The following NUDT3 variants were observed in gnomAD, a reference collection of about 807,000 sequenced individuals.
NUDT3 encodes the protein diphosphoinositol polyphosphate phosphohydrolase 1.
NUDT3 carries 9 observed loss-of-function variants against 23.6 expected under a neutral mutation model. The observed-to-expected ratio is 0.38, with a 90% CI of 0.23 to 0.66. The LOEUF is 0.66. Among genes scored for constraint, NUDT3 ranks in the 30% least tolerant of loss-of-function variants. NUDT3 has a pLI of 0.52. For synonymous variants in NUDT3, 86 were observed against 82.6 expected (o/e 1.04, Z -0.22); for missense variants, 172 against 218.5 (o/e 0.79, Z 1.34).
chr6:34,351,472 T>C lies in NUDT3; in HGVS notation c.100-9500A>G, dbSNP rs559072633. On this transcript the variant is annotated intron_variant, in intron 1 of 4. Transcript: ENST00000607016. ...AAAAAAATTAGAGGGCCAGGCGCGG[T>C]GGCTCATGCCTGTAATCCTAGCACT... Among the ~76,000 whole-genome samples, 48 of 146,662 alleles carry C rather than the reference T, an allele frequency of 3.3e-4. 1 individual carries two copies. Among genetic ancestry groups the C allele is most frequent in the East Asian group, 2.5e-3 (13 of 5,118 alleles).
At position 34,366,422 on chromosome 6, in the gene NUDT3, AAGAGAGAGAAAG is replaced by A. The variant is rs1391619967; in HGVS notation, c.100-24462_100-24451del. On this transcript the variant is annotated intron_variant, in intron 1 of 4. Transcript: ENST00000607016. ...AAGAAAGGAAAAGGAGAGAAACAGC[AAGAGAGAGAAAG>A]AGAGAGAGAAGGAGAGAGAGAGAGA... 1.5e-3 allele frequency among the ~76,000 whole-genome samples: 210 copies of A among 141,110 alleles called. 1 individual carries two copies. The highest frequency in any genetic ancestry group is 0.013 in the East Asian group (56 of 4,360). 92.6% of individuals were successfully genotyped at this position (141,110 alleles called of 152,430 possible). A position where few individuals can be genotyped will look rare whatever the true frequency, so the allele number is the denominator to read the frequency against.
chr6:34,349,564 G>A (rs1019405383), intron 1 of NUDT3, among the ~76,000 whole-genome samples: 2 of 150,478 alleles, frequency 1.3e-5, no homozygotes, highest in African/African-American at 2.5e-5. Context: ...GGAAACCGAC[G>A]GTGATTTTGG....
intron 1 of NUDT3, among the ~76,000 whole-genome samples, chr6:34,361,083 C>T (rs1309419797): frequency 1.3e-5 from 2 of 151,998 alleles, no homozygotes; most frequent in Non-Finnish European, 1.5e-5. Flanking sequence ...AATTAGCCAG[C>T]ATGGTGGTGT....
chr6:34,310,248 A>C (rs1402379868), intron 2 of NUDT3, among the ~76,000 whole-genome samples: 6 of 151,566 alleles, frequency 4.0e-5, no homozygotes, highest in Admixed American at 1.3e-4. Flanking sequence ...TAATAACAAA[A>C]GCAGGGTATG....
Position 34,392,303 on chromosome 6 carries a change from C to T in NUDT3, c.60G>A (p.Arg20=), listed in dbSNP as rs753982805. Residue 20 remains arginine (R), a synonymous_variant, in exon 1 of 5, where the codon CGG becomes CGA. Transcript: ENST00000607016. ...RTYDGDGYKK[R]AACLCFRSES... is the part of the protein sequence containing the mutation. ...CGCTGCGGAAACACAGGCATGCGGC[C>T]CGCTTCTTGTAGCCGTCGCCGTCGT... The T allele has an allele frequency of 6.8e-6, 11 of 1,606,302 alleles. No individual in the cohort carries two copies. The highest frequency in any genetic ancestry group is 8.5e-6 in the Non-Finnish European group (10 of 1,177,670).
At chr6:34,326,002 A>G (rs1207209494) in intron 2 of NUDT3, among the ~76,000 whole-genome samples, 2 of 151,620 alleles carry the variant, frequency 1.3e-5, no homozygotes, top group African/African-American at 4.9e-5. Context: ...AACATACAGA[A>G]AAATTATTTG....
chr6:34,316,052 A>C (rs1763852923), intron 2 of NUDT3, among the ~76,000 whole-genome samples: 1 of 152,166 alleles, frequency 6.6e-6, no homozygotes, highest in Non-Finnish European at 1.5e-5. Flanking sequence ...TGTTTCGTAG[A>C]GACAGGTCTC....
rs969613986 is a variant in NUDT3, at chr6:34,285,996, A to G, written c.*2757T>C. The G allele has an allele frequency of 6.6e-6, 1 of 152,248 alleles. No individual in the cohort carries two copies. The highest frequency in any genetic ancestry group is 1.9e-4 in the East Asian group (1 of 5,206). 9.4% of individuals were successfully genotyped at this position (152,248 alleles called of 1,614,324 possible). On this transcript the variant is annotated 3_prime_UTR_variant, in exon 5 of 5. Transcript: ENST00000607016. ...ACAATCAAAACTGCACTTTCAGGGT[A>G]GTATATTGTTACACTAGCCCAGTCA...
At chr6:34,325,277 T>C (rs1428258254) in intron 2 of NUDT3, among the ~76,000 whole-genome samples, 2 of 152,192 alleles carry the variant, frequency 1.3e-5, no homozygotes, top group Non-Finnish European at 2.9e-5. Context: ...CTGTTGCCCA[T>C]AGCTTGCTGC....
intron 2 of NUDT3, among the ~76,000 whole-genome samples, chr6:34,298,057 TA>T (rs1426634891): frequency 1.3e-5 from 2 of 151,878 alleles, no homozygotes; most frequent in African/African-American, 4.8e-5. Flanking sequence ...GACAACTCAA[TA>T]TAATTAATTT....
chr6:34,392,454 C>G lies in NUDT3; in HGVS notation c.-92G>C, dbSNP rs111776530. 27 of 910,024 alleles carry G rather than the reference C, an allele frequency of 3.0e-5. No homozygotes were observed. Among genetic ancestry groups the G allele is most frequent in the Middle Eastern group, 2.5e-4 (1 of 3,996 alleles). 56.4% of individuals were successfully genotyped at this position (910,024 alleles called of 1,614,324 possible). On this transcript the variant is annotated 5_prime_UTR_variant, in exon 1 of 5. Coordinates refer to ENST00000607016, the MANE Select transcript of NUDT3 (RefSeq NM_006703.4). ...CGGCCGCGTGCGCGCGCGCCCCCGGCTCGGCCAAGGGAAGCAGGGAGGGGG... is the reference window on the plus strand; with the variant it reads ...CGGCCGCGTGCGCGCGCGCCCCCGGGTCGGCCAAGGGAAGCAGGGAGGGGG...
rs1763327413 is a variant in NUDT3, at chr6:34,285,835, T to C, written c.*2918A>G. On this transcript the variant is annotated 3_prime_UTR_variant, in exon 5 of 5. Transcript: ENST00000607016. Reference sequence around the variant, plus strand: ...AGCACCAGTTTCAACAATTCTGATGTTGGACAAAGCCTCTTTTTGTCAGTT... The same window carrying C: ...AGCACCAGTTTCAACAATTCTGATGCTGGACAAAGCCTCTTTTTGTCAGTT... 6.6e-6 allele frequency: 1 copy of C among 152,194 alleles called. No individual in the cohort carries two copies. The highest frequency in any genetic ancestry group is 2.4e-5 in the African/African-American group (1 of 41,452). The allele number at this position is 152,194 out of a possible 1,614,324, so 9.4% of individuals were successfully genotyped here. A position where few individuals can be genotyped will look rare whatever the true frequency, so the allele number is the denominator to read the frequency against.
chr6:34,343,531 ACCC>A (rs896828954), intron 1 of NUDT3, among the ~76,000 whole-genome samples: 21 of 146,540 alleles, frequency 1.4e-4, no homozygotes, highest in African/African-American at 5.3e-4. Context: ...ACAGAGTGAG[ACCC>A]CCATCTCAAA....
intron 2 of NUDT3, among the ~76,000 whole-genome samples, chr6:34,334,195 AG>A (rs1161046952): frequency 6.6e-6 from 1 of 152,170 alleles, no homozygotes; most frequent in Non-Finnish European, 1.5e-5. Flanking sequence ...CACTTAACTG[AG>A]GCATTTGGAG....
intron 2 of NUDT3, among the ~76,000 whole-genome samples, chr6:34,335,096 G>C (rs1764189235): frequency 6.6e-6 from 1 of 152,156 alleles, no homozygotes; most frequent in Non-Finnish European, 1.5e-5. Context: ...CACAGTACTA[G>C]AAATACAGAC....
chr6:34,298,007 A>C (rs1763541739), intron 2 of NUDT3, among the ~76,000 whole-genome samples: 1 of 151,904 alleles, frequency 6.6e-6, no homozygotes, highest in Non-Finnish European at 1.5e-5. Context: ...TTTATGAAAC[A>C]ATCTCCAAAC....
intron 2 of NUDT3, among the ~76,000 whole-genome samples, chr6:34,297,709 C>T (rs1315329551): frequency 5.6e-5 from 7 of 124,228 alleles, no homozygotes; most frequent in Non-Finnish European, 8.4e-5. Context: ...TCACTACACC[C>T]GGCTAATGTA....
In NUDT3 at chr6:34,372,012, C is replaced by T. The variant is rs185299052; in HGVS notation, c.99+20252G>A. ...CGCAGTGTTTGGTTTTCTGTCCTTG[C>T]GATCGTTTGCTCAGAATGATGGTTT... On this transcript the variant is annotated intron_variant, in intron 1 of 4. Transcript: ENST00000607016. Among the ~76,000 whole-genome samples the T allele has an allele frequency of 7.9e-5, 12 of 152,246 alleles. No individual in the cohort carries two copies. In the South Asian group the frequency reaches 1.7e-3, roughly 21 times the overall value.
At chr6:34,329,215 T>C (rs546182263) in intron 2 of NUDT3, among the ~76,000 whole-genome samples, 1 of 152,146 alleles carries the variant, frequency 6.6e-6, no homozygotes, top group Non-Finnish European at 1.5e-5. Context: ...TATAGAGAGA[T>C]ATACATAAAA....
Sources: allele counts gnomAD v4.1 joint callset (sites outside exome capture counted in the v4.1 genomes callset), GRCh38; gene constraint gnomAD v4.1.1; transcripts MANE v1.5; gene names NCBI Gene and HGNC (gene_info 2026-07-23, HGNC 2026-07-21).